ADAM12: variants seen among roughly 807,000 people sequenced by gnomAD.
The protein encoded by ADAM12 is disintegrin and metalloproteinase domain-containing protein 12.
In ADAM12, 70 loss-of-function variants were observed where a neutral mutation model predicts 106.4. That is an observed-to-expected ratio of 0.66 (90% CI 0.54 to 0.80). The LOEUF is 0.80. ADAM12 is among the 30% of genes least tolerant of loss of function. The probability of loss-of-function intolerance (pLI) is 0.00; values close to 1 mark genes in which losing one functional copy is unlikely to be tolerated. For missense variants in ADAM12, 1,010 were observed against 1,171.9 expected (o/e 0.86, Z 2.02); for synonymous variants, 420 against 433.5 (o/e 0.97, Z 0.39).
intron 14 of ADAM12, among the ~76,000 whole-genome samples, chr10:126,060,814 G>A (rs1295744516): frequency 1.3e-5 from 2 of 152,218 alleles, no homozygotes; most frequent in Non-Finnish European, 2.9e-5. Context: ...GGAGTGCACA[G>A]GGACTGTGGG....
chr10:126,213,423 T>G (rs570290275), intron 3 of ADAM12, among the ~76,000 whole-genome samples: 1 of 152,324 alleles, frequency 6.6e-6, no homozygotes, highest in Admixed American at 6.5e-5. Context: ...GTTGAACAAT[T>G]TTTAATTGAG....
intron 5 of ADAM12, among the ~76,000 whole-genome samples, chr10:126,130,476 C>A (rs1157564998): frequency 6.6e-6 from 1 of 152,194 alleles, no homozygotes; most frequent in Non-Finnish European, 1.5e-5. Context: ...TGACACCAGA[C>A]AATGCAGCAC....
chr10:126,159,889 G>A (rs1956901777), intron 3 of ADAM12, among the ~76,000 whole-genome samples: 1 of 147,700 alleles, frequency 6.8e-6, no homozygotes, highest in South Asian at 2.1e-4. Flanking sequence ...GTCATGCTTG[G>A]AGCTCTGGAG....
chr10:126,099,409 T>A (rs1426631658), intron 9 of ADAM12, among the ~76,000 whole-genome samples: 1 of 142,430 alleles, frequency 7.0e-6, no homozygotes, highest in African/African-American at 2.5e-5. Context: ...TCCCTCTCTA[T>A]CCACCTATCC....
Position 126,035,315 on chromosome 10 carries a change from C to G in ADAM12, c.2529+831G>C, listed in dbSNP as rs572272476. Reference sequence around the variant, plus strand: ...GGGAATAAAGAGGTCCCAAGATTTACCTCTCTAGAACTTTCTAACAGCAAA... The same window carrying G: ...GGGAATAAAGAGGTCCCAAGATTTAGCTCTCTAGAACTTTCTAACAGCAAA... On this transcript the variant is annotated intron_variant, in intron 21 of 22. Transcript: ENST00000448723. Among the ~76,000 whole-genome samples the G allele has an allele frequency of 2.0e-5, 3 of 152,184 alleles. No homozygotes were observed. The East Asian group carries it at 5.8e-4, about 29-fold the overall frequency.
At chr10:126,181,279 C>G (rs1220548969) in intron 3 of ADAM12, among the ~76,000 whole-genome samples, 3 of 152,050 alleles carry the variant, frequency 2.0e-5, no homozygotes, top group Non-Finnish European at 2.9e-5. Context: ...ACCATGTTGG[C>G]GAGGCTGACC....
At chr10:126,289,062 C>A (rs1960022110) in intron 2 of ADAM12, among the ~76,000 whole-genome samples, 1 of 150,468 alleles carries the variant, frequency 6.6e-6, no homozygotes, top group Non-Finnish European at 1.5e-5. Flanking sequence ...AGAAAAGGAC[C>A]ATGTGGTGAC....
chr10:126,360,339 T>C (rs184596979), intron 1 of ADAM12, among the ~76,000 whole-genome samples: 21 of 152,288 alleles, frequency 1.4e-4, no homozygotes, highest in Admixed American at 1.1e-3. Context: ...TTCTTATCTA[T>C]TGCATTGTCA....
At chr10:126,251,918 GGGATGGATAGGAT>G (rs1958781837) in intron 3 of ADAM12, among the ~76,000 whole-genome samples, 1 of 37,280 alleles carries the variant, frequency 2.7e-5, no homozygotes, top group African/African-American at 1.5e-4. Flanking sequence ...ATGGATGGAT[GGGATGGATAGGAT>G]GGATGGATGG....
intron 1 of ADAM12, among the ~76,000 whole-genome samples, chr10:126,336,366 T>C (rs904101772): frequency 6.6e-6 from 1 of 152,334 alleles, no homozygotes; most frequent in Middle Eastern, 3.4e-3. Flanking sequence ...GGCTCAGGGA[T>C]GACTGGTTAT....
At chr10:126,157,517 C>T (rs1179900501) in intron 3 of ADAM12, among the ~76,000 whole-genome samples, 1 of 152,246 alleles carries the variant, frequency 6.6e-6, no homozygotes, top group Non-Finnish European at 1.5e-5. Flanking sequence ...ACATGGATTG[C>T]AATATGTTGA....
At chr10:126,094,576 C>T (rs976083674) in intron 10 of ADAM12, among the ~76,000 whole-genome samples, 5 of 152,176 alleles carry the variant, frequency 3.3e-5, no homozygotes, top group Non-Finnish European at 7.3e-5. Context: ...GGTGCAAGCA[C>T]GCTTAATGAC....
At chr10:126,143,115 T>C (rs1394425880) in intron 4 of ADAM12, among the ~76,000 whole-genome samples, 4 of 151,828 alleles carry the variant, frequency 2.6e-5, no homozygotes, top group African/African-American at 4.8e-5. Context: ...TGTGCATGTG[T>C]GCATATGCAT....
intron 8 of ADAM12, among the ~76,000 whole-genome samples, chr10:126,103,450 G>A (rs1341336213): frequency 6.6e-6 from 1 of 152,216 alleles, no homozygotes; most frequent in East Asian, 1.9e-4. Context: ...GGTGGTTTCT[G>A]TGCTGTGGCT....
At chr10:126,271,785 T>C (rs765038043) in intron 3 of ADAM12, among the ~76,000 whole-genome samples, 3 of 152,122 alleles carry the variant, frequency 2.0e-5, no homozygotes, top group Non-Finnish European at 2.9e-5. Flanking sequence ...AAAAGCAGAA[T>C]CTTATCATGT....
At chr10:126,215,978 T>C (rs1957980830) in intron 3 of ADAM12, among the ~76,000 whole-genome samples, 1 of 152,202 alleles carries the variant, frequency 6.6e-6, no homozygotes, top group African/African-American at 2.4e-5. Context: ...GTCATAGCCA[T>C]GAACCCACCC....
rs539006995 is a variant in ADAM12 at position 126,029,394 on chromosome 10, A to G, written c.2529+6752T>C. Among the ~76,000 whole-genome samples, 8 of 152,370 alleles carry G rather than the reference A, an allele frequency of 5.3e-5. No homozygotes were observed. The South Asian group carries it at 1.7e-3, about 32-fold the overall frequency. ...AAAATGTGGTAAATATACACCATGGAATACTATGCAGCCATAAAAAGGAAT... is the reference window on the plus strand; with the variant it reads ...AAAATGTGGTAAATATACACCATGGGATACTATGCAGCCATAAAAAGGAAT... On this transcript the variant is annotated intron_variant, in intron 21 of 22. Transcript: ENST00000448723.
chr10:126,255,785 C>A (rs1263666057), intron 3 of ADAM12, among the ~76,000 whole-genome samples: 1 of 152,196 alleles, frequency 6.6e-6, no homozygotes, highest in East Asian at 1.9e-4. Context: ...TAACTGGCCC[C>A]ATTGCAGCTA....
At chr10:126,332,185 T>C (rs1854543783) in intron 1 of ADAM12, among the ~76,000 whole-genome samples, 1 of 152,192 alleles carries the variant, frequency 6.6e-6, no homozygotes, top group Admixed American at 6.5e-5. Context: ...TGACAGGCAC[T>C]CTTGTCAGTG....
Sources: gnomAD v4.1 joint callset for allele counts (sites outside exome capture counted in the v4.1 genomes callset) on GRCh38, gnomAD v4.1.1 for gene constraint, MANE v1.5 for transcripts, NCBI Gene and HGNC (gene_info 2026-07-23, HGNC 2026-07-21) for gene names.